CIRSR: variants seen among roughly 807,000 people sequenced by gnomAD.
The protein encoded by CIRSR is CBF1 (RBPJ) interacting corepressor 1.
At chr2:174,369,092 T>C in the CIRSR span, among the ~76,000 whole-genome samples, 3 of 152,250 alleles carry the variant, frequency 2.0e-5, no homozygotes, top group East Asian at 1.9e-4. Context: ...CTTTTTCCAA[T>C]AGAAGGCTGT....
chr2:174,395,431 T>TC, the CIRSR span: 1 of 972,028 alleles, frequency 1.0e-6, no homozygotes, highest in African/African-American at 1.6e-5. Context: ...ACCAGGGCTT[T>TC]AGGCCTAGAG....
chr2:174,382,795 A>G, the CIRSR span, among the ~76,000 whole-genome samples: 5 of 141,196 alleles, frequency 3.5e-5, no homozygotes, highest in Non-Finnish European at 8.2e-5. Flanking sequence ...GGCTTTTTAG[A>G]AAAAAAAAGC....
chr2:174,365,925 G>A, the CIRSR span, among the ~76,000 whole-genome samples: 1 of 152,124 alleles, frequency 6.6e-6, no homozygotes, highest in South Asian at 2.1e-4. Context: ...GTATCAGACT[G>A]GGAATCTAAA....
At chr2:174,388,917 T>C in the CIRSR span, among the ~76,000 whole-genome samples, 1 of 152,286 alleles carries the variant, frequency 6.6e-6, no homozygotes, top group East Asian at 1.9e-4. Context: ...GATGGTTTTA[T>C]AAGGGGTTTT....
chr2:174,395,243 CA>C, the CIRSR span, among the ~76,000 whole-genome samples: 3 of 152,148 alleles, frequency 2.0e-5, no homozygotes, highest in Admixed American at 6.5e-5. Context: ...TCCGAAAAGA[CA>C]AAAAACCAGA....
chr2:174,351,058 T>A, the CIRSR span, among the ~76,000 whole-genome samples: 97,727 of 152,026 alleles, frequency 0.64, 32,213 homozygotes, highest in East Asian at 0.8. Context: ...GAATGTTAAC[T>A]CTTGCCAGTT....
At chr2:174,383,654 A>G in the CIRSR span, among the ~76,000 whole-genome samples, 1 of 141,416 alleles carries the variant, frequency 7.1e-6, no homozygotes, top group South Asian at 2.3e-4. Flanking sequence ...TCGCAGGCAG[A>G]GGTTGGAGTG....
chr2:174,384,129 T>C, the CIRSR span, among the ~76,000 whole-genome samples: 2 of 152,144 alleles, frequency 1.3e-5, no homozygotes, highest in East Asian at 3.9e-4. Flanking sequence ...AGTAACCCAA[T>C]ACTCAAACAG....
the CIRSR span, among the ~76,000 whole-genome samples, chr2:174,394,572 A>G: frequency 3.9e-5 from 6 of 152,214 alleles, no homozygotes; most frequent in Non-Finnish European, 7.3e-5. Flanking sequence ...GATGATTACC[A>G]AAGAGCTTTC....
the CIRSR span, among the ~76,000 whole-genome samples, chr2:174,355,465 C>T: frequency 6.6e-6 from 1 of 152,168 alleles, no homozygotes; most frequent in Non-Finnish European, 1.5e-5. Context: ...CCAATGTTCC[C>T]ACTTAGAAAA....
the CIRSR span, chr2:174,387,783 G>C: frequency 6.4e-7 from 1 of 1,564,422 alleles, no homozygotes; most frequent in South Asian, 1.2e-5. Context: ...TCCATACCTA[G>C]ATTAGTGAAG....
chr2:174,354,626 T>C, the CIRSR span, among the ~76,000 whole-genome samples: 404 of 73,732 alleles, frequency 5.5e-3, 1 homozygote, highest in African/African-American at 0.018. Context: ...TTTTATATAT[T>C]ATATAATATA....
chr2:174,393,547 T>C, the CIRSR span, among the ~76,000 whole-genome samples: 71 of 152,302 alleles, frequency 4.7e-4, no homozygotes, highest in African/African-American at 1.6e-3. Flanking sequence ...GGTCTCACTT[T>C]GTTGCCTATG....
chr2:174,366,800 CA>C, the CIRSR span, among the ~76,000 whole-genome samples: 317 of 152,210 alleles, frequency 2.1e-3, 5 homozygotes, highest in African/African-American at 7.2e-3. Context: ...AGTTGTAGAA[CA>C]GGAATTGGGT....
chr2:174,369,882 C>A, the CIRSR span: 1 of 1,214,948 alleles, frequency 8.2e-7, no homozygotes, highest in Non-Finnish European at 1.1e-6. Flanking sequence ...TATAATAATA[C>A]AAGTTTGAAT....
chr2:174,374,640 A>G, the CIRSR span, among the ~76,000 whole-genome samples: 9 of 152,246 alleles, frequency 5.9e-5, no homozygotes, highest in Admixed American at 5.9e-4. Context: ...CAAAGCAGTT[A>G]GCTACGTATG....
the CIRSR span, among the ~76,000 whole-genome samples, chr2:174,376,276 A>C: frequency 6.6e-6 from 1 of 152,216 alleles, no homozygotes; most frequent in Non-Finnish European, 1.5e-5. Flanking sequence ...ATTTAGATAG[A>C]GAAAAAGAAT....
chr2:174,379,056 TG>T, the CIRSR span: 5 of 1,573,910 alleles, frequency 3.2e-6, no homozygotes, highest in South Asian at 5.5e-5. Flanking sequence ...AAATAATGAA[TG>T]TGATTTTGGT....
At chr2:174,376,803 A>G in the CIRSR span, among the ~76,000 whole-genome samples, 12,765 of 95,566 alleles carry the variant, frequency 0.13, 703 homozygotes, top group South Asian at 0.36. Context: ...GTCTCAGGGA[A>G]AAAAAAAAAA....
Sources: allele counts gnomAD v4.1 joint callset (sites outside exome capture counted in the v4.1 genomes callset), GRCh38; gene constraint gnomAD v4.1.1; transcripts MANE v1.5; gene names NCBI Gene and HGNC (gene_info 2026-07-23, HGNC 2026-07-21).